Variants in ITGB6 observed in about 807,000 individuals in gnomAD.
The protein encoded by ITGB6 is integrin subunit beta 6.
ITGB6 carries 80 observed loss-of-function variants against 84.5 expected under a neutral mutation model. That is an observed-to-expected ratio of 0.95 (90% CI 0.79 to 1.14). ITGB6 has a LOEUF of 1.14. Ranked by LOEUF, ITGB6 falls within the 50% of genes most tolerant of loss-of-function variation. ITGB6 has a pLI of 0.00. For missense variants in ITGB6, 1,006 were observed against 968.0 expected (o/e 1.04, Z -0.52); for synonymous variants, 383 against 354.9 (o/e 1.08, Z -0.89).
intron 10 of ITGB6, among the ~76,000 whole-genome samples, chr2:160,130,936 T>C (rs1000073888): frequency 6.6e-6 from 1 of 152,178 alleles, no homozygotes; most frequent in Non-Finnish European, 1.5e-5. Context: ...AGGACCATCA[T>C]GGCAAAAACA....
At position 160,107,730 on chromosome 2, in the gene ITGB6, A is replaced by G. The variant is rs889957230; in HGVS notation, c.2217T>C (p.Arg739=). 1 of 1,613,912 alleles carries G rather than the reference A, an allele frequency of 6.2e-7. No homozygotes were observed. Among genetic ancestry groups the G allele is most frequent in the Admixed American group, 1.7e-5 (1 of 59,990 alleles). ...CTGCTTCAAATTTGGCAACTTCTTT[A>G]CGATCATGAAATGACACCAGTAGCT... ...IWKLLVSFHD[R]KEVAKFEAER... is the part of the protein sequence containing the mutation. The change falls in exon 14 of 15, where the codon CGT becomes CGC. Residue 739 remains arginine (R), a synonymous_variant. Transcript: ENST00000283249.
intron 12 of ITGB6, among the ~76,000 whole-genome samples, chr2:160,120,548 G>T (rs1574050826): frequency 1.7e-5 from 1 of 59,870 alleles, no homozygotes; most frequent in Non-Finnish European, 3.6e-5. Flanking sequence ...GGATAGCATT[G>T]GGAGATATAC....
intron 14 of ITGB6, among the ~76,000 whole-genome samples, chr2:160,106,720 C>T (rs183434155): frequency 1.6e-4 from 25 of 152,142 alleles, no homozygotes; most frequent in Admixed American, 1.3e-4. Flanking sequence ...TTAGAATAAC[C>T]GCATACAACA....
At chr2:160,150,400 C>A (rs1052673019) in intron 7 of ITGB6, among the ~76,000 whole-genome samples, 6 of 152,142 alleles carry the variant, frequency 3.9e-5, no homozygotes, top group Admixed American at 1.3e-4. Flanking sequence ...TACAGACAAG[C>A]AAATGCTGAG....
chr2:160,113,076 T>C (rs1240649564), intron 12 of ITGB6, among the ~76,000 whole-genome samples: 1 of 152,246 alleles, frequency 6.6e-6, no homozygotes, highest in Admixed American at 6.5e-5. Context: ...TTACAAACAC[T>C]GTTTTTCAGA....
intron 4 of ITGB6, among the ~76,000 whole-genome samples, chr2:160,187,322 G>T (rs1011039500): frequency 6.6e-6 from 1 of 152,156 alleles, no homozygotes; most frequent in South Asian, 2.1e-4. Context: ...CATTCAAAAT[G>T]AAAAGAGATC....
At chr2:160,194,274 T>C (rs1051521408) in intron 4 of ITGB6, among the ~76,000 whole-genome samples, 1 of 152,204 alleles carries the variant, frequency 6.6e-6, no homozygotes, top group Non-Finnish European at 1.5e-5. Context: ...ATTTCCTTTA[T>C]GGTTAAATTA....
chr2:160,131,000 A>T (rs1683447492), intron 10 of ITGB6, among the ~76,000 whole-genome samples: 1 of 152,164 alleles, frequency 6.6e-6, no homozygotes, highest in South Asian at 2.1e-4. Flanking sequence ...TTCCAGAGCC[A>T]CTGACCTGGT....
At chr2:160,194,177 A>C (rs1430552696) in intron 4 of ITGB6, among the ~76,000 whole-genome samples, 1 of 152,000 alleles carries the variant, frequency 6.6e-6, no homozygotes, top group Non-Finnish European at 1.5e-5. Context: ...AAAACAAAAC[A>C]CAAAAAACAA....
intron 7 of ITGB6, among the ~76,000 whole-genome samples, chr2:160,168,071 T>C (rs1685070552): frequency 6.6e-6 from 1 of 152,182 alleles, no homozygotes; most frequent in South Asian, 2.1e-4. Context: ...AATGCCCATA[T>C]CAGGTGAACC....
At chr2:160,168,246 C>T (rs1169313292) in intron 7 of ITGB6, among the ~76,000 whole-genome samples, 1 of 152,140 alleles carries the variant, frequency 6.6e-6, no homozygotes, top group Non-Finnish European at 1.5e-5. Context: ...GAACCTGATG[C>T]AAGTTCATGG....
intron 4 of ITGB6, chr2:160,178,881 G>A (rs1276391075): frequency 2.0e-5 from 3 of 151,990 alleles, no homozygotes; most frequent in Non-Finnish European, 4.4e-5. Flanking sequence ...ACTTTTTGTA[G>A]AGATGGAGTC....
In ITGB6 at chr2:160,101,293, AAG is replaced by A. The variant is rs1165722025; in HGVS notation, c.*441_*442del. On this transcript the variant is annotated 3_prime_UTR_variant, in exon 15 of 15. Transcript: ENST00000283249. ...AGAGATTTAAAAAAAATTCTCCTTT[AAG>A]AGAGGGCATATTTCCTACAAGTTTA... 6.4e-6 allele frequency: 1 copy of A among 155,880 alleles called. No homozygotes were observed. The highest frequency in any genetic ancestry group is 6.5e-5 in the Admixed American group (1 of 15,320). 9.7% of individuals were successfully genotyped at this position (155,880 alleles called of 1,614,324 possible). A position where few individuals can be genotyped will look rare whatever the true frequency, so the allele number is the denominator to read the frequency against.
In ITGB6 at chr2:160,173,921, A is replaced by T; in HGVS notation, c.759+53T>A. On this transcript the variant is annotated intron_variant, in intron 5 of 14. Coordinates refer to ENST00000283249, the MANE Select transcript of ITGB6 (RefSeq NM_000888.5). The stretch of plus-strand genomic sequence containing the variant: ...TAATCTTTTTGAAGTAGAATTATTA[A>T]TAAGAGATGAATTTTATGTTAACAG... 2.1e-6 allele frequency: 3 copies of T among 1,447,828 alleles called. No homozygotes were observed. In the South Asian group the frequency reaches 3.9e-5, roughly 19 times the overall value. The allele number at this position is 1,447,828 out of a possible 1,614,324, so 89.7% of individuals were successfully genotyped here. A position where few individuals can be genotyped will look rare whatever the true frequency, so the allele number is the denominator to read the frequency against.
intron 2 of ITGB6, 46 bp downstream of exon 2, chr2:160,199,133 T>G: frequency 6.9e-7 from 1 of 1,455,164 alleles, no homozygotes; most frequent in South Asian, 1.1e-5. Context: ...AACATGAATT[T>G]AACTGCAGAC....
chr2:160,175,810 A>T (rs1030912085), intron 4 of ITGB6, among the ~76,000 whole-genome samples: 1 of 152,254 alleles, frequency 6.6e-6, no homozygotes, highest in Non-Finnish European at 1.5e-5. Context: ...TGTTAATGAA[A>T]ATGTGATAGC....
chr2:160,168,546 A>G (rs937517056), intron 7 of ITGB6, among the ~76,000 whole-genome samples: 3 of 152,030 alleles, frequency 2.0e-5, no homozygotes, highest in African/African-American at 7.2e-5. Context: ...CTAGGCTGGG[A>G]AAAAAAACCA....
At chr2:160,123,066 A>G (rs1683103308) in intron 12 of ITGB6, among the ~76,000 whole-genome samples, 1 of 152,200 alleles carries the variant, frequency 6.6e-6, no homozygotes, top group Non-Finnish European at 1.5e-5. Context: ...TCTTTGTTTT[A>G]AAGTCCACAA....
intron 7 of ITGB6, among the ~76,000 whole-genome samples, chr2:160,155,756 C>A (rs1436376388): frequency 6.6e-6 from 1 of 152,132 alleles, no homozygotes; most frequent in Non-Finnish European, 1.5e-5. Context: ...AATATCTAAA[C>A]GATTCTACAT....
Sources: allele counts gnomAD v4.1 joint callset (sites outside exome capture counted in the v4.1 genomes callset), GRCh38; gene constraint gnomAD v4.1.1; transcripts MANE v1.5; gene names NCBI Gene and HGNC (gene_info 2026-07-23, HGNC 2026-07-21).